COL5A1: variants seen among roughly 807,000 people sequenced by gnomAD.
The protein encoded by COL5A1 is collagen type V alpha 1 chain.
Under a neutral mutation model 263.7 loss-of-function variants are expected in COL5A1, and 16 were observed. That is an observed-to-expected ratio of 0.06 (90% CI 0.04 to 0.09). COL5A1 has a LOEUF of 0.09. Ranked by LOEUF, COL5A1 falls within the 10% of genes least tolerant of loss-of-function variation. COL5A1 has a pLI of 1.00. For synonymous variants in COL5A1, 1,012 were observed against 1,004.5 expected (o/e 1.01, Z -0.14); for missense variants, 2,036 against 2,540.5 (o/e 0.80, Z 4.27).
At chr9:134,654,404 G>GA (rs2132480517) in intron 1 of COL5A1, among the ~76,000 whole-genome samples, 2 of 128,818 alleles carry the variant, frequency 1.6e-5, no homozygotes, top group African/African-American at 3.0e-5. Context: ...GTGTAGGGCT[G>GA]GTGTGTGTAG....
chr9:134,781,739 G>A (rs1478222565), intron 28 of COL5A1, among the ~76,000 whole-genome samples: 3 of 152,178 alleles, frequency 2.0e-5, no homozygotes, highest in African/African-American at 4.8e-5. Flanking sequence ...ATTTGTGGCC[G>A]CTGCTCAGCT....
intron 19 of COL5A1, among the ~76,000 whole-genome samples, chr9:134,763,432 A>G (rs1836542794): frequency 6.6e-6 from 1 of 152,228 alleles, no homozygotes; most frequent in Admixed American, 6.5e-5. Context: ...CTTTCTGCCC[A>G]GCCTTTCCTC....
chr9:134,670,443 C>T (rs570381531), intron 1 of COL5A1, among the ~76,000 whole-genome samples: 3 of 152,284 alleles, frequency 2.0e-5, no homozygotes, highest in Non-Finnish European at 2.9e-5. Context: ...ACCCCATGTC[C>T]GAGAACTGGG....
chr9:134,774,103 C>A (rs1393302647), intron 26 of COL5A1, among the ~76,000 whole-genome samples: 1 of 152,240 alleles, frequency 6.6e-6, no homozygotes, highest in African/African-American at 2.4e-5. Context: ...TGAGAGCTGG[C>A]TTTTCAACTG....
intron 1 of COL5A1, among the ~76,000 whole-genome samples, chr9:134,685,076 C>CCATT (rs1588435044): frequency 7.5e-6 from 1 of 134,202 alleles, no homozygotes; most frequent in African/African-American, 2.7e-5. Context: ...ATCCATCCAT[C>CCATT]CATCCACCCA....
intron 14 of COL5A1, 129 bp from the exon 15 acceptor site, chr9:134,753,721 C>T: frequency 1.4e-6 from 1 of 722,432 alleles, no homozygotes; most frequent in Non-Finnish European, 2.5e-6. Flanking sequence ...ACAGGTCGCG[C>T]TTTGTGTGCT....
chr9:134,808,199 C>A (rs1459145355), intron 42 of COL5A1, among the ~76,000 whole-genome samples: 1 of 152,064 alleles, frequency 6.6e-6, no homozygotes, highest in African/African-American at 2.4e-5. Flanking sequence ...ACATTTAGAC[C>A]AGAACATTGA....
rs369518896 is a variant in COL5A1 at position 134,811,518 on chromosome 9, G to C, written c.3609G>C (p.Arg1203=). 6 of 1,607,568 alleles carry C rather than the reference G, an allele frequency of 3.7e-6. No individual in the cohort carries two copies. ...PSGADGEPGP[R]GQQGLFGQKG... The stretch of plus-strand genomic sequence containing the variant: ...GAGCTGACGGCGAGCCGGGGCCTCG[G>C]GGCCAGCAGGGCCTTTTCGGGCAGA... Residue 1203 remains arginine, a synonymous_variant, in exon 46 of 66, where the codon CGG becomes CGC. Transcript: ENST00000371817.
intron 1 of COL5A1, among the ~76,000 whole-genome samples, chr9:134,688,633 CAGAG>C (rs1271676414): frequency 2.0e-5 from 3 of 152,204 alleles, no homozygotes; most frequent in Non-Finnish European, 4.4e-5. Flanking sequence ...CCCAGGAAAA[CAGAG>C]AGGCCATGAG....
At chr9:134,770,747 A>G (rs774673172) in intron 25 of COL5A1, among the ~76,000 whole-genome samples, 4 of 152,254 alleles carry the variant, frequency 2.6e-5, no homozygotes, top group Non-Finnish European at 4.4e-5. Context: ...TTATTTTCCC[A>G]TTACAGAAGC....
At chr9:134,644,104 T>TGCCAAC (rs2132458607) in intron 1 of COL5A1, among the ~76,000 whole-genome samples, 1 of 152,182 alleles carries the variant, frequency 6.6e-6, no homozygotes, top group African/African-American at 2.4e-5. Flanking sequence ...TAGTGAGTTT[T>TGCCAAC]GCCAACGTCT....
At chr9:134,698,899 G>T (rs998032378) in intron 2 of COL5A1, among the ~76,000 whole-genome samples, 1 of 152,226 alleles carries the variant, frequency 6.6e-6, no homozygotes, top group Non-Finnish European at 1.5e-5. Context: ...TGCTTGTGGG[G>T]CGGCTCCAGC....
intron 13 of COL5A1, among the ~76,000 whole-genome samples, chr9:134,751,232 G>C (rs1835769928): frequency 6.6e-6 from 1 of 151,604 alleles, no homozygotes; most frequent in Non-Finnish European, 1.5e-5. Context: ...GCGTGTCACT[G>C]TCCAGTAGGG....
At chr9:134,698,465 G>C (rs1046159156) in intron 2 of COL5A1, among the ~76,000 whole-genome samples, 1 of 152,248 alleles carries the variant, frequency 6.6e-6, no homozygotes, top group African/African-American at 2.4e-5. Flanking sequence ...GGTTTGCCTG[G>C]AGTAGTGGCC....
chr9:134,747,014 C>G (rs1835540218), intron 11 of COL5A1, among the ~76,000 whole-genome samples: 1 of 152,194 alleles, frequency 6.6e-6, no homozygotes, highest in Non-Finnish European at 1.5e-5. Context: ...ACGTTAGAGA[C>G]CACAGGGCTT....
intron 18 of COL5A1, among the ~76,000 whole-genome samples, chr9:134,759,368 GCACA>G (rs148297957): frequency 6.9e-5 from 7 of 102,112 alleles, no homozygotes; most frequent in South Asian, 3.4e-4. Context: ...ATACACAGAT[GCACA>G]CACACCACAC....
rs1837575055 is a variant in COL5A1, at chr9:134,789,005, TAGAC to T, written c.2647-147_2647-144del. 1.5e-6 allele frequency: 1 copy of T among 673,350 alleles called. No homozygotes were observed. The highest frequency in any genetic ancestry group is 2.6e-6 in the Non-Finnish European group (1 of 386,322). The allele number at this position is 673,350 out of a possible 1,614,324, so 41.7% of individuals were successfully genotyped here. A position where few individuals can be genotyped will look rare whatever the true frequency, so the allele number is the denominator to read the frequency against. ...GTAGGTGGATAGGTGAGAAGGTAGG[TAGAC>T]AGGTAGGTGGGTGGTTGGGTGGGTG... On this transcript the variant is annotated intron_variant, in intron 31 of 65. Transcript: ENST00000371817. The surrounding 1 kb of genome is among the most constrained non-coding windows in gnomAD (Gnocchi z 4.8).
Position 134,682,527 on chromosome 9 carries a change from T to C in COL5A1, c.110-8385T>C, listed in dbSNP as rs116554790. 4.7e-3 allele frequency among the ~76,000 whole-genome samples: 712 copies of C among 152,242 alleles called. 3 individuals carry two copies. Among genetic ancestry groups the C allele is most frequent in the African/African-American group, 0.016 (656 of 41,538 alleles). On this transcript the variant is annotated intron_variant, in intron 1 of 65. Coordinates refer to ENST00000371817, the MANE Select transcript of COL5A1 (RefSeq NM_000093.5). The surrounding 1 kb of genome is among the most constrained non-coding windows in gnomAD (Gnocchi z 5.1). ...TAATGAGATAAGGAGATAAAGATGA[T>C]ACTAGAATCCTACCACACTGCCTGG...
Position 134,794,974 on chromosome 9 carries a change from C to T in COL5A1, c.2701-108C>T, listed in dbSNP as rs534350311. 4 of 1,296,858 alleles carry T rather than the reference C, an allele frequency of 3.1e-6. No individual in the cohort carries two copies. The Admixed American group carries it at 7.1e-5, about 23-fold the overall frequency. The allele number at this position is 1,296,858 out of a possible 1,614,324, so 80.3% of individuals were successfully genotyped here. ...GGGTGGCGGGGAGGCCCAGGTTCCT[C>T]CTATCCTGCTCTGAATTCACAGTCT... is the stretch of plus-strand genomic sequence containing the variant. On this transcript the variant is annotated intron_variant, in intron 32 of 65. Coordinates refer to ENST00000371817, the MANE Select transcript of COL5A1 (RefSeq NM_000093.5). This position sits in a 1 kb window ranked among gnomAD's most constrained non-coding sequence, Gnocchi z 4.3.
Sources: gnomAD v4.1 joint callset for allele counts (sites outside exome capture counted in the v4.1 genomes callset) on GRCh38, gnomAD v4.1.1 for gene constraint, Gnocchi (gnomAD v3.1) non-coding constraint, MANE v1.5 for transcripts, NCBI Gene and HGNC (gene_info 2026-07-23, HGNC 2026-07-21) for gene names.